Variants in SVIL observed in about 807,000 individuals in gnomAD.
SVIL encodes archvillin.
A neutral mutation model predicts 240.4 loss-of-function variants in SVIL; 101 were observed. The ratio of observed to expected loss-of-function variants is 0.42; its 90% confidence interval spans 0.36 to 0.50. SVIL has a LOEUF of 0.50. SVIL is among the 20% of genes least tolerant of loss of function. The probability of loss-of-function intolerance (pLI) is 0.01; values close to 1 mark genes in which losing one functional copy is unlikely to be tolerated. For missense variants in SVIL, 2,512 were observed against 2,818.7 expected, an observed-to-expected ratio of 0.89 and a Z score of 2.46; for synonymous variants, 999 against 1,100.0, an observed-to-expected ratio of 0.91 and a Z score of 1.82.
At chr10:29,507,766 T>A in intron 17 of SVIL, 1 of 985,378 alleles carries the variant, frequency 1.0e-6, no homozygotes, top group Non-Finnish European at 1.2e-6. Flanking sequence ...GACAGGTATT[T>A]ATGGGCAGCA....
In SVIL at chr10:29,499,062, G is replaced by C. The variant is rs7898306; in HGVS notation, c.3664+54C>G. 0.015 allele frequency: 23,804 copies of C among 1,590,522 alleles called. 1,142 individuals carry two copies. Among genetic ancestry groups the C allele is most frequent in the African/African-American group, 0.13 (9,551 of 74,390 alleles). ...CACCATGCCCTCCATGGGTAAGTGT[G>C]CTCACGTGTGTGCATTGTGCACACA... is the stretch of plus-strand genomic sequence containing the variant. On this transcript the variant is annotated intron_variant, in intron 18 of 37. Coordinates refer to ENST00000355867, the MANE Select transcript of SVIL (RefSeq NM_021738.3).
intron 1 of SVIL, among the ~76,000 whole-genome samples, chr10:29,687,072 AGAG>A (rs1396503879): frequency 5.3e-5 from 8 of 152,348 alleles, no homozygotes; most frequent in Non-Finnish European, 1.2e-4. Context: ...AGCATTATCC[AGAG>A]GAGAAGGCCT....
chr10:29,736,847 C>T (rs1454381045), upstream of SVIL: 1 of 152,312 alleles, frequency 6.6e-6, no homozygotes, highest in East Asian at 1.9e-4. Flanking sequence ...CGGCCAGGGC[C>T]ACTGTCGCCG....
At chr10:29,697,955 C>G in intron 1 of SVIL, 1 of 760,584 alleles carries the variant, frequency 1.3e-6, no homozygotes, top group Non-Finnish European at 2.2e-6. Context: ...AACAAATTTA[C>G]TATTCGGACA....
intron 13 of SVIL, among the ~76,000 whole-genome samples, chr10:29,525,355 T>C (rs10826650): frequency 0.45 from 68,984 of 152,050 alleles, 16,264 homozygotes; most frequent in African/African-American, 0.55. Flanking sequence ...TGGCCAGGTC[T>C]GGTGGCTCAT....
chr10:29,572,788 GAAAAAGA>G (rs1955502565), intron 1 of SVIL, among the ~76,000 whole-genome samples: 1 of 136,652 alleles, frequency 7.3e-6, no homozygotes, highest in Admixed American at 7.4e-5. Flanking sequence ...AAAAGAAAAA[GAAAAAGA>G]AAAAAAGAAT....
At chr10:29,713,850 G>C (rs1262390155) in intron 1 of SVIL, among the ~76,000 whole-genome samples, 1 of 152,190 alleles carries the variant, frequency 6.6e-6, no homozygotes, top group East Asian at 1.9e-4. Context: ...GAAAATGCTA[G>C]GTTTAAAAAT....
intron 29 of SVIL, among the ~76,000 whole-genome samples, chr10:29,477,219 G>T (rs1008717471): frequency 6.6e-6 from 1 of 152,150 alleles, no homozygotes; most frequent in Non-Finnish European, 1.5e-5. Context: ...GACATGTTAC[G>T]CCACCAAGGC....
chr10:29,461,945 C>G (rs922959886), intron 36 of SVIL, among the ~76,000 whole-genome samples: 41 of 152,324 alleles, frequency 2.7e-4, no homozygotes, highest in African/African-American at 8.7e-4. Context: ...CACTGAGAGA[C>G]AAGCAATGCC....
chr10:29,712,418 A>G (rs1963354210), intron 1 of SVIL, among the ~76,000 whole-genome samples: 1 of 152,154 alleles, frequency 6.6e-6, no homozygotes, highest in Admixed American at 6.5e-5. Context: ...TGTTAGAAAG[A>G]GCCTGGGACC....
chr10:29,684,199 C>T (rs1487056500), intron 2 of SVIL, among the ~76,000 whole-genome samples: 1 of 152,152 alleles, frequency 6.6e-6, no homozygotes, highest in East Asian at 1.9e-4. Context: ...ACATCCTTGT[C>T]AGACAAACAC....
At position 29,545,013 on chromosome 10, in the gene SVIL, T is replaced by C. The variant is rs374132597; in HGVS notation, c.827+5584A>G. The stretch of plus-strand genomic sequence containing the variant: ...CCCCAAGATGTATGTTTCTCCATGA[T>C]GCACTGTCCTGAATTCCGCAGCCTG... On this transcript the variant is annotated intron_variant, in intron 6 of 37. Transcript: ENST00000355867. The C allele has an allele frequency of 5.6e-4, 297 of 534,646 alleles. 1 individual carries two copies. Among genetic ancestry groups the C allele is most frequent in the African/African-American group, 5.1e-3 (265 of 52,042 alleles). The allele number at this position is 534,646 out of a possible 1,614,324, so 33.1% of individuals were successfully genotyped here.
Position 29,480,803 on chromosome 10 carries a change from C to G in SVIL, c.5111G>C (p.Arg1704Thr). The G allele has an allele frequency of 6.2e-7, 1 of 1,607,298 alleles. No individual in the cohort carries two copies. Among genetic ancestry groups the G allele is most frequent in the South Asian group, 1.1e-5 (1 of 91,048 alleles). ...CACATCGTATGCCTTGACATCAGTC[C>G]TGGGGTCTTCCTACAGGGGAACACA... is the stretch of plus-strand genomic sequence containing the variant. ...GELAQHKEDP[R>T]TDVKAYDVTR... The change falls in exon 29 of 38, where the codon AGG (arginine) becomes ACG (threonine). Residue 1704 changes from arginine (R) to threonine (T), a missense_variant. Physicochemically the swap from Arg to Thr is moderately conservative, Grantham distance 71. Around this residue, in one of 3 missense-constraint regions of SVIL, gnomAD observed 797 missense variants for 925.3 expected, o/e 0.86. Coordinates refer to ENST00000355867, the MANE Select transcript of SVIL (RefSeq NM_021738.3).
At chr10:29,700,468 CTTTTT>C (rs71281545) in intron 1 of SVIL, among the ~76,000 whole-genome samples, 1 of 113,122 alleles carries the variant, frequency 8.8e-6, no homozygotes, top group Admixed American at 1.1e-4. Flanking sequence ...TTACTATTTC[CTTTTT>C]TTTTTTTTTT....
chr10:29,594,580 A>G (rs972136660), intron 1 of SVIL, among the ~76,000 whole-genome samples: 63 of 146,144 alleles, frequency 4.3e-4, no homozygotes, highest in African/African-American at 1.6e-3. Context: ...TTTTTGAAAC[A>G]TGGTCTCACT....
At chr10:29,533,861 C>T (rs548652087) in intron 7 of SVIL, among the ~76,000 whole-genome samples, 3 of 152,292 alleles carry the variant, frequency 2.0e-5, no homozygotes, top group African/African-American at 4.8e-5. Flanking sequence ...AGAACACGGA[C>T]TGTGGGGGAA....
At chr10:29,630,846 G>A (rs1295584665) in intron 1 of SVIL, among the ~76,000 whole-genome samples, 1 of 152,048 alleles carries the variant, frequency 6.6e-6, no homozygotes, top group African/African-American at 2.4e-5. Context: ...GCCAAATTTC[G>A]ATATGAAGAA....
intron 1 of SVIL, among the ~76,000 whole-genome samples, chr10:29,581,086 T>C (rs1294997822): frequency 1.3e-5 from 2 of 152,196 alleles, no homozygotes; most frequent in Non-Finnish European, 2.9e-5. Flanking sequence ...AAATCTACTA[T>C]AAGCTACTAA....
intron 1 of SVIL, among the ~76,000 whole-genome samples, chr10:29,571,340 T>C (rs1384190520): frequency 6.6e-6 from 1 of 152,218 alleles, no homozygotes; most frequent in Non-Finnish European, 1.5e-5. Context: ...CAGCATTTGC[T>C]CTGGTTAAGG....
Sources: allele counts gnomAD v4.1 joint callset (sites outside exome capture counted in the v4.1 genomes callset), GRCh38; gene constraint gnomAD v4.1.1; regional missense constraint gnomAD v4.1.1; transcripts MANE v1.5; gene names NCBI Gene and HGNC (gene_info 2026-07-23, HGNC 2026-07-21).